DGKB: variants seen among roughly 807,000 people sequenced by gnomAD.
DGKB encodes 90 kDa diacylglycerol kinase.
A neutral mutation model predicts 114.3 loss-of-function variants in DGKB; 67 were observed. That is an observed-to-expected ratio of 0.59 (90% CI 0.48 to 0.72). DGKB has a LOEUF of 0.72. Among genes scored for constraint, DGKB ranks in the 30% least tolerant of loss-of-function variants. The pLI, the probability that DGKB is intolerant of heterozygous loss-of-function variation, is 0.00. For missense variants in DGKB, 907 were observed against 975.2 expected, an observed-to-expected ratio of 0.93 and a Z score of 0.93; for synonymous variants, 398 against 323.1, an observed-to-expected ratio of 1.23 and a Z score of -2.49.
At chr7:14,583,923 C>T (rs1800327420) in intron 17 of DGKB, among the ~76,000 whole-genome samples, 1 of 152,150 alleles carries the variant, frequency 6.6e-6, no homozygotes, top group South Asian at 2.1e-4. Context: ...TGTTATGTGT[C>T]TCTTCACCTC....
chr7:14,303,651 G>T (rs1224432320), intron 23 of DGKB, among the ~76,000 whole-genome samples: 1 of 151,978 alleles, frequency 6.6e-6, no homozygotes, highest in Non-Finnish European at 1.5e-5. Context: ...AATCATGGCA[G>T]TACTCTCTAT....
At chr7:14,226,684 T>C (rs947015388) in intron 23 of DGKB, among the ~76,000 whole-genome samples, 1 of 152,000 alleles carries the variant, frequency 6.6e-6, no homozygotes, top group African/African-American at 2.4e-5. Flanking sequence ...GCTCACTAAA[T>C]CTATGTTGGC....
chr7:14,152,486 TC>T (rs1421937339), intron 25 of DGKB, among the ~76,000 whole-genome samples: 17 of 152,030 alleles, frequency 1.1e-4, no homozygotes, highest in Non-Finnish European at 2.5e-4. Context: ...GTAAATTCTA[TC>T]AGATACAGAA....
intron 2 of DGKB, among the ~76,000 whole-genome samples, chr7:14,837,866 C>G (rs1383034886): frequency 6.6e-6 from 1 of 152,120 alleles, no homozygotes. Context: ...CCTAATTATT[C>G]AGGAAAGTCC....
intron 2 of DGKB, among the ~76,000 whole-genome samples, chr7:14,833,580 T>C (rs1340325537): frequency 3.9e-5 from 6 of 152,154 alleles, no homozygotes; most frequent in Middle Eastern, 3.2e-3. Context: ...TGTTAGGCAA[T>C]GTTGATGGAT....
intron 1 of DGKB, among the ~76,000 whole-genome samples, chr7:14,859,883 T>C (rs957177896): frequency 6.6e-6 from 1 of 152,088 alleles, no homozygotes; most frequent in Non-Finnish European, 1.5e-5. Flanking sequence ...ATACACAACA[T>C]GGGCAGTTGA....
intron 13 of DGKB, among the ~76,000 whole-genome samples, chr7:14,669,667 TAAAC>T (rs1242015700): frequency 6.6e-6 from 1 of 152,208 alleles, no homozygotes; most frequent in African/African-American, 2.4e-5. Flanking sequence ...TTGATATTGT[TAAAC>T]AAAAATTATC....
chr7:14,364,227 A>C (rs1271240809), intron 21 of DGKB, among the ~76,000 whole-genome samples: 2 of 152,022 alleles, frequency 1.3e-5, no homozygotes, highest in East Asian at 1.9e-4. Flanking sequence ...CTTTCCTCTA[A>C]GCTCCAAAAA....
intron 1 of DGKB, among the ~76,000 whole-genome samples, chr7:14,929,022 TACACACACACAC>T (rs3036022): frequency 2.0e-5 from 3 of 146,852 alleles, no homozygotes; most frequent in Non-Finnish European, 3.0e-5. Context: ...GCATTGTGTA[TACACACACACAC>T]ACACACACAC....
intron 23 of DGKB, among the ~76,000 whole-genome samples, chr7:14,180,785 T>A (rs1418770897): frequency 6.6e-6 from 1 of 152,200 alleles, no homozygotes; most frequent in African/African-American, 2.4e-5. Context: ...AGAGAGTTTC[T>A]ATCTATGCAA....
intron 23 of DGKB, among the ~76,000 whole-genome samples, chr7:14,310,404 G>T (rs145136364): frequency 4.6e-5 from 7 of 152,242 alleles, no homozygotes; most frequent in African/African-American, 1.7e-4. Flanking sequence ...TGTAGATTTC[G>T]CAATGAGAAG....
At chr7:14,180,882 G>A (rs1048283540) in intron 23 of DGKB, among the ~76,000 whole-genome samples, 1 of 152,118 alleles carries the variant, frequency 6.6e-6, no homozygotes, top group Non-Finnish European at 1.5e-5. Flanking sequence ...TTTAAGAACA[G>A]TTCTCCTTGG....
upstream of DGKB, among the ~76,000 whole-genome samples, chr7:14,906,412 A>T (rs1276388271): frequency 6.6e-6 from 1 of 150,474 alleles, no homozygotes; most frequent in Non-Finnish European, 1.5e-5. Flanking sequence ...AGTTATTGAC[A>T]TTAGATAGAA....
chr7:14,276,934 T>C (rs1173620314), intron 23 of DGKB, among the ~76,000 whole-genome samples: 1 of 152,090 alleles, frequency 6.6e-6, no homozygotes, highest in Non-Finnish European at 1.5e-5. Context: ...TTGACATATG[T>C]CTACAATGTG....
At chr7:14,212,346 TTA>T in intron 23 of DGKB, among the ~76,000 whole-genome samples, 1 of 55,596 alleles carries the variant, frequency 1.8e-5, no homozygotes, top group Admixed American at 2.2e-4. Context: ...TTTGTGATAT[TTA>T]CTCTCATGTT....
chr7:14,368,435 G>T (rs1435023825), intron 21 of DGKB, among the ~76,000 whole-genome samples: 1 of 152,100 alleles, frequency 6.6e-6, no homozygotes, highest in African/African-American at 2.4e-5. Flanking sequence ...AAAGTATTTA[G>T]CACTAGGCGT....
chr7:14,679,714 G>GA (rs1234451465), intron 12 of DGKB, among the ~76,000 whole-genome samples: 1 of 151,974 alleles, frequency 6.6e-6, no homozygotes, highest in East Asian at 1.9e-4. Flanking sequence ...AAGAGCAAAA[G>GA]AAAGTACATT....
chr7:14,608,098 C>CT (rs532968399), intron 16 of DGKB, among the ~76,000 whole-genome samples: 3 of 151,974 alleles, frequency 2.0e-5, no homozygotes, highest in Middle Eastern at 3.4e-3. Context: ...ACAAATAATT[C>CT]TTTTTTTCTG....
In DGKB at chr7:14,888,405, T is replaced by A. The variant is rs141643945; in HGVS notation, c.-188+14187A>T. 1.4e-3 allele frequency among the ~76,000 whole-genome samples: 208 copies of A among 151,846 alleles called. 3 individuals are homozygous for A. In the East Asian group the frequency reaches 0.037, roughly 27 times the overall value. On this transcript the variant is annotated intron_variant, in intron 1 of 25. Transcript: ENST00000402815. ...AAAAAGTCCTCTTCCTTACTGGGCA[T>A]CTTAAATCCTAAAGGATTGTCCCTC...
Sources: allele counts gnomAD v4.1 joint callset (sites outside exome capture counted in the v4.1 genomes callset), GRCh38; gene constraint gnomAD v4.1.1; transcripts MANE v1.5; gene names NCBI Gene and HGNC (gene_info 2026-07-23, HGNC 2026-07-21).